Variants in GRB2 observed in about 807,000 individuals in gnomAD.
The protein encoded by GRB2 is growth factor receptor-bound protein 2.
In GRB2, 2 loss-of-function variants were observed where a neutral mutation model predicts 27.4. That is an observed-to-expected ratio of 0.07 (90% confidence interval 0.03 to 0.23). The LOEUF (loss-of-function observed/expected upper bound fraction) is 0.23. GRB2 is among the 10% of genes least tolerant of loss of function. The pLI is 1.00. For missense variants in GRB2, 102 were observed against 282.4 expected, an observed-to-expected ratio of 0.36 and a Z score of 4.58; for synonymous variants, 94 against 99.6, an observed-to-expected ratio of 0.94 and a Z score of 0.33.
intron 2 of GRB2, among the ~76,000 whole-genome samples, chr17:75,386,437 T>C (rs2078964496): frequency 6.6e-6 from 1 of 152,128 alleles, no homozygotes; most frequent in African/African-American, 2.4e-5. Flanking sequence ...ATTCTTAAAA[T>C]GTTACTTGCT....
At chr17:75,331,620 A>G (rs997491691) in intron 3 of GRB2, among the ~76,000 whole-genome samples, 2 of 152,244 alleles carry the variant, frequency 1.3e-5, no homozygotes, top group Non-Finnish European at 2.9e-5. Flanking sequence ...CTAATGAAGG[A>G]GCCAGCAAAC....
Position 75,365,783 on chromosome 17 carries a change from AG to A in GRB2, c.78+27767del, listed in dbSNP as rs145600846. The stretch of plus-strand genomic sequence containing the variant: ...AACAATTAATAACCAGTGGGTGCCC[AG>A]GGGTTGCTCAGGAGCACCAAAAAGA... On this transcript the variant is annotated intron_variant, in intron 2 of 5. Coordinates refer to ENST00000316804, the MANE Select transcript of GRB2 (RefSeq NM_002086.5). 6.6e-5 allele frequency among the ~76,000 whole-genome samples: 10 copies of A among 152,328 alleles called. No individual in the cohort carries two copies. The East Asian group carries it at 1.9e-3, about 29-fold the overall frequency.
chr17:75,400,786 C>T (rs757548846), intron 1 of GRB2, among the ~76,000 whole-genome samples: 8 of 152,110 alleles, frequency 5.3e-5, no homozygotes, highest in East Asian at 1.9e-4. Flanking sequence ...GGGTGACAGG[C>T]GTGAGCTACT....
At chr17:75,329,131 G>A (rs1020102551) in intron 3 of GRB2, among the ~76,000 whole-genome samples, 1 of 151,784 alleles carries the variant, frequency 6.6e-6, no homozygotes, top group Non-Finnish European at 1.5e-5. Context: ...GCCTCGGCTG[G>A]CTCTCCCCAC....
intron 2 of GRB2, among the ~76,000 whole-genome samples, chr17:75,378,137 G>A (rs1025651807): frequency 6.6e-6 from 1 of 152,054 alleles, no homozygotes; most frequent in African/African-American, 2.4e-5. Context: ...TGTAATTCCA[G>A]CACTTTGGGA....
At chr17:75,327,177 C>T (rs1190839315) in intron 3 of GRB2, among the ~76,000 whole-genome samples, 3 of 151,110 alleles carry the variant, frequency 2.0e-5, no homozygotes, top group African/African-American at 7.3e-5. Flanking sequence ...CGCCATTCTC[C>T]TGCCTCAGCC....
intron 2 of GRB2, among the ~76,000 whole-genome samples, chr17:75,334,506 C>T (rs1466349448): frequency 6.6e-6 from 1 of 152,106 alleles, no homozygotes; most frequent in African/African-American, 2.4e-5. Flanking sequence ...TCTTGAACTC[C>T]TGGACTCAAG....
intron 2 of GRB2, among the ~76,000 whole-genome samples, chr17:75,333,056 G>C (rs991869053): frequency 2.0e-5 from 3 of 151,416 alleles, no homozygotes; most frequent in African/African-American, 7.3e-5. Flanking sequence ...TAAGGAAGGA[G>C]AAAGAAGAAT....
intron 2 of GRB2, among the ~76,000 whole-genome samples, chr17:75,385,120 A>T (rs1023506325): frequency 2.0e-5 from 3 of 150,612 alleles, no homozygotes; most frequent in African/African-American, 7.3e-5. Context: ...GCACAGCTGT[A>T]GTCCCACCTA....
At chr17:75,382,115 T>A (rs546414454) in intron 2 of GRB2, among the ~76,000 whole-genome samples, 1 of 151,716 alleles carries the variant, frequency 6.6e-6, no homozygotes, top group Admixed American at 6.6e-5. Flanking sequence ...CCCAGCTATT[T>A]GGAAGGCTGA....
chr17:75,369,616 A>T (rs962594519), intron 2 of GRB2, among the ~76,000 whole-genome samples: 3 of 148,716 alleles, frequency 2.0e-5, no homozygotes, highest in African/African-American at 7.4e-5. Context: ...GCACTTTGGG[A>T]GGCCGAGGCG....
At chr17:75,378,210 T>TGAA (rs1344543902) in intron 2 of GRB2, among the ~76,000 whole-genome samples, 1 of 151,904 alleles carries the variant, frequency 6.6e-6, no homozygotes, top group African/African-American at 2.4e-5. Flanking sequence ...ACCAACATGG[T>TGAA]GAAACACCGT....
intron 2 of GRB2, among the ~76,000 whole-genome samples, chr17:75,388,247 C>G (rs950102437): frequency 1.3e-5 from 2 of 151,960 alleles, no homozygotes; most frequent in African/African-American, 4.8e-5. Context: ...CAGGTACGCA[C>G]GCGCACCACC....
chr17:75,389,017 A>G (rs2078982258), intron 2 of GRB2, among the ~76,000 whole-genome samples: 1 of 152,194 alleles, frequency 6.6e-6, no homozygotes, highest in East Asian at 1.9e-4. Context: ...CAGACACTTG[A>G]CACACAACCC....
intron 2 of GRB2, among the ~76,000 whole-genome samples, chr17:75,350,940 T>C (rs1392051557): frequency 1.3e-5 from 2 of 152,144 alleles, no homozygotes; most frequent in African/African-American, 4.8e-5. Flanking sequence ...GGAAGGGATG[T>C]GGCATAGTCT....
rs200148922 is a variant in GRB2 at position 75,334,155 on chromosome 17, A to ATT, written c.79-1360_79-1359dup. ...CACTATACACATACCTATACGTTTTATTTTTTTTTAGATTTATTTATTTAT... is the reference window on the plus strand; with the variant it reads ...CACTATACACATACCTATACGTTTTATTTTTTTTTTTAGATTTATTTATTTAT... On this transcript the variant is annotated intron_variant, in intron 2 of 5. Transcript: ENST00000316804. Among the ~76,000 whole-genome samples the ATT allele has an allele frequency of 6.6e-5, 10 of 150,952 alleles. No individual in the cohort carries two copies. The East Asian group carries it at 1.6e-3, about 23-fold the overall frequency.
At chr17:75,359,377 A>G (rs1290145672) in intron 2 of GRB2, among the ~76,000 whole-genome samples, 1 of 151,608 alleles carries the variant, frequency 6.6e-6, no homozygotes, top group Non-Finnish European at 1.5e-5. Flanking sequence ...ACGGTGACAC[A>G]TGCCCATAAT....
chr17:75,320,351 T>C lies in GRB2; in HGVS notation c.*17A>G, dbSNP rs773915713. On this transcript the variant is annotated 3_prime_UTR_variant, in exon 6 of 6. Coordinates refer to ENST00000316804, the MANE Select transcript of GRB2 (RefSeq NM_002086.5). The surrounding 1 kb of genome is among the most constrained non-coding windows in gnomAD (Gnocchi z 4.3). ...TTTTACATTTTTCACTTTCTTTAAA[T>C]AATTGCTTCTTGACTCTTAGACGTT... 4.4e-6 allele frequency: 7 copies of C among 1,602,570 alleles called. No homozygotes were observed. The highest frequency in any genetic ancestry group is 6.0e-6 in the Non-Finnish European group (7 of 1,169,944).
chr17:75,362,325 TA>T (rs1187936881), intron 2 of GRB2, among the ~76,000 whole-genome samples: 1 of 152,210 alleles, frequency 6.6e-6, no homozygotes, highest in African/African-American at 2.4e-5. Flanking sequence ...AATACACATA[TA>T]TTTATGTACT....
Sources: allele counts gnomAD v4.1 joint callset (sites outside exome capture counted in the v4.1 genomes callset), GRCh38; gene constraint gnomAD v4.1.1; non-coding constraint Gnocchi (gnomAD v3.1); transcripts MANE v1.5; gene names NCBI Gene and HGNC (gene_info 2026-07-23, HGNC 2026-07-21).